The following KAZN variants were observed in gnomAD, a reference collection of about 807,000 sequenced individuals.
KAZN encodes the protein kazrin.
A neutral mutation model predicts 87.4 loss-of-function variants in KAZN; 40 were observed. The ratio of observed to expected loss-of-function variants is 0.46; its 90% confidence interval spans 0.36 to 0.60. KAZN has a LOEUF of 0.60. KAZN is among the 20% of genes least tolerant of loss of function. The pLI, the probability that KAZN is intolerant of heterozygous loss-of-function variation, is 0.00. For synonymous variants in KAZN, 466 were observed against 458.3 expected, an observed-to-expected ratio of 1.02 and a Z score of -0.22; for missense variants, 898 against 1,073.9, an observed-to-expected ratio of 0.84 and a Z score of 2.29.
At chr1:14,619,244 C>T (rs140283943) in intron 1 of KAZN, among the ~76,000 whole-genome samples, 2 of 151,774 alleles carry the variant, frequency 1.3e-5, no homozygotes, top group Admixed American at 1.3e-4. Flanking sequence ...CTTGCCTGGG[C>T]TCAAGTGCAG....
intron 1 of KAZN, among the ~76,000 whole-genome samples, chr1:14,728,243 G>T (rs35381268): frequency 0.34 from 47,643 of 140,912 alleles, 8,322 homozygotes; most frequent in Middle Eastern, 0.57. Flanking sequence ...CCGAGATTGT[G>T]CCACTGCACT....
chr1:15,034,463 C>T (rs986241602), intron 2 of KAZN, among the ~76,000 whole-genome samples: 3 of 151,942 alleles, frequency 2.0e-5, no homozygotes, highest in Admixed American at 2.0e-4. Context: ...TCATTGAACA[C>T]TCAGCCAGCT....
At chr1:14,758,225 G>C (rs1644630288) in intron 1 of KAZN, among the ~76,000 whole-genome samples, 1 of 151,630 alleles carries the variant, frequency 6.6e-6, no homozygotes, top group African/African-American at 2.4e-5. Flanking sequence ...GAGTGTAATG[G>C]TGCCATTATA....
intron 1 of KAZN, among the ~76,000 whole-genome samples, chr1:14,099,633 C>G (rs1206059522): frequency 6.6e-6 from 1 of 152,192 alleles, no homozygotes; most frequent in Non-Finnish European, 1.5e-5. Flanking sequence ...AGTTTTTGGC[C>G]TAGTCCTGCC....
At chr1:14,182,723 G>A (rs557270768) in intron 2 of KAZN, among the ~76,000 whole-genome samples, 7 of 152,194 alleles carry the variant, frequency 4.6e-5, no homozygotes, top group Admixed American at 2.0e-4. Flanking sequence ...TGGGCATTTC[G>A]GGGGCTAATT....
intron 2 of KAZN, among the ~76,000 whole-genome samples, chr1:14,539,493 T>G (rs1023950528): frequency 6.6e-6 from 1 of 152,168 alleles, no homozygotes; most frequent in African/African-American, 2.4e-5. Flanking sequence ...ATACTAACAT[T>G]GGGGGAGACT....
intron 1 of KAZN, among the ~76,000 whole-genome samples, chr1:14,908,353 C>T (rs145576007): frequency 6.6e-6 from 1 of 151,888 alleles, no homozygotes; most frequent in African/African-American, 2.4e-5. Context: ...TGAGCCTGGC[C>T]AACATGGTGA....
chr1:14,417,993 C>CCAAAAA (rs1664951096), intron 2 of KAZN, among the ~76,000 whole-genome samples: 1 of 33,808 alleles, frequency 3.0e-5, no homozygotes, highest in Non-Finnish European at 5.4e-5. Context: ...GAGACTGCCT[C>CCAAAAA]AAAAAAAAAA....
chr1:14,130,401 C>T (rs908399892), intron 1 of KAZN, among the ~76,000 whole-genome samples: 4 of 152,130 alleles, frequency 2.6e-5, no homozygotes, highest in African/African-American at 9.7e-5. Flanking sequence ...TATATTTTCA[C>T]CATTAATAAG....
chr1:13,981,118 TAA>T (rs1638680964), intron 1 of KAZN, among the ~76,000 whole-genome samples: 1 of 138,616 alleles, frequency 7.2e-6, no homozygotes, highest in African/African-American at 2.6e-5. Flanking sequence ...TATGTATATA[TAA>T]ACACAGATTA....
At chr1:14,727,391 A>G (rs10927522) in intron 1 of KAZN, among the ~76,000 whole-genome samples, 47,769 of 144,362 alleles carry the variant, frequency 0.33, 7,822 homozygotes, top group South Asian at 0.48. Context: ...CCATGGACAG[A>G]GGCCAAGTGG....
At chr1:14,517,108 G>T (rs1671340122) in intron 2 of KAZN, among the ~76,000 whole-genome samples, 1 of 152,068 alleles carries the variant, frequency 6.6e-6, no homozygotes, top group African/African-American at 2.4e-5. Context: ...CCTACACCTG[G>T]CCAACCAGTG....
At chr1:14,320,384 C>A (rs957497852) in intron 2 of KAZN, among the ~76,000 whole-genome samples, 2 of 152,092 alleles carry the variant, frequency 1.3e-5, no homozygotes, top group African/African-American at 4.8e-5. Flanking sequence ...GATTCTTATA[C>A]ACAAACAGAT....
At chr1:14,536,106 C>T (rs770923279) in intron 2 of KAZN, among the ~76,000 whole-genome samples, 3 of 152,160 alleles carry the variant, frequency 2.0e-5, no homozygotes, top group Non-Finnish European at 4.4e-5. Context: ...AACATGCAGG[C>T]TAGAGCATGG....
chr1:14,705,471 C>T (rs1042093503), intron 1 of KAZN, among the ~76,000 whole-genome samples: 1 of 152,156 alleles, frequency 6.6e-6, no homozygotes, highest in African/African-American at 2.4e-5. Flanking sequence ...CAAAGAGACA[C>T]CTGCACCCCC....
intron 1 of KAZN, among the ~76,000 whole-genome samples, chr1:14,859,655 G>A (rs1278985353): frequency 6.6e-6 from 1 of 152,162 alleles, no homozygotes; most frequent in African/African-American, 2.4e-5. Context: ...AGGCCATCAG[G>A]ATTGCCTGAT....
intron 2 of KAZN, among the ~76,000 whole-genome samples, chr1:14,478,286 G>GAAGGGTGGA (rs1668881205): frequency 6.7e-6 from 1 of 150,178 alleles, no homozygotes; most frequent in Non-Finnish European, 1.5e-5. Flanking sequence ...AGGAAGGAAG[G>GAAGGGTGGA]AAGGGTGGAT....
At chr1:14,405,621 T>TGTGA (rs1256325906) in intron 2 of KAZN, among the ~76,000 whole-genome samples, 1 of 150,842 alleles carries the variant, frequency 6.6e-6, no homozygotes, top group East Asian at 1.9e-4. Flanking sequence ...TGTGTGTGTG[T>TGTGA]GTGTGTGTGT....
At chr1:14,238,857 T>A (rs963130900) in intron 2 of KAZN, among the ~76,000 whole-genome samples, 1 of 152,212 alleles carries the variant, frequency 6.6e-6, no homozygotes, top group South Asian at 2.1e-4. Context: ...ATTTCATTTG[T>A]TACCCTGGGC....
Sources: gnomAD v4.1 joint callset for allele counts (sites outside exome capture counted in the v4.1 genomes callset) on GRCh38, gnomAD v4.1.1 for gene constraint, MANE v1.5 for transcripts, NCBI Gene and HGNC (gene_info 2026-07-23, HGNC 2026-07-21) for gene names.